Variants in SRRM2 observed in about 807,000 individuals in gnomAD.
SRRM2 encodes the protein serine/arginine repetitive matrix protein 2.
A neutral mutation model predicts 213.8 loss-of-function variants in SRRM2; 30 were observed. The observed-to-expected ratio is 0.14, with a 90% CI of 0.10 to 0.19. The LOEUF is 0.19. Among genes scored for constraint, SRRM2 ranks in the 10% least tolerant of loss-of-function variants. The pLI, the probability that SRRM2 is intolerant of heterozygous loss-of-function variation, is 1.00. For synonymous variants in SRRM2, 2,025 were observed against 1,377.7 expected, an observed-to-expected ratio of 1.47 and a Z score of -10.40; for missense variants, 4,904 against 3,647.0, an observed-to-expected ratio of 1.34 and a Z score of -8.88.
chr16:2,754,063 G>A (rs1179362944), intron 1 of SRRM2, among the ~76,000 whole-genome samples: 1 of 152,110 alleles, frequency 6.6e-6, no homozygotes, highest in East Asian at 1.9e-4. Context: ...TTTAACTTGG[G>A]TAACTTTTGC....
rs2068538740 is a variant in SRRM2 at position 2,766,257 on chromosome 16, G to A, written c.5729G>A (p.Arg1910Lys). The A allele has an allele frequency of 6.2e-7, 1 of 1,614,084 alleles. No homozygotes were observed. Among genetic ancestry groups the A allele is most frequent in the African/African-American group, 1.3e-5 (1 of 74,918 alleles). The change falls in exon 11 of 15, where the codon AGA (arginine) becomes AAA (lysine). Residue 1910 changes from arginine to lysine, a missense_variant. By Grantham distance (26) the Arg-to-Lys change is conservative. Coordinates refer to ENST00000301740, the MANE Select transcript of SRRM2 (RefSeq NM_016333.4). This position sits in a 1 kb window ranked among gnomAD's most constrained non-coding sequence, Gnocchi z 7.0. ...TCCAGGACTTCAGTGACTCGACGAA[G>A]ATCCCGGTCAAGAGCATCCCCAGTG... is the stretch of plus-strand genomic sequence containing the variant. ...SRSRTSVTRR[R>K]SRSRASPVSR... is the part of the protein sequence containing the mutation.
chr16:2,769,739 G>A (rs1487186941), intron 12 of SRRM2: 4 of 469,630 alleles, frequency 8.5e-6, no homozygotes, highest in Admixed American at 4.7e-5. Flanking sequence ...CCTTCGGGAC[G>A]CCCTGTGGCC....
chr16:2,760,650 G>T, intron 10 of SRRM2, 151 bp downstream of exon 10: 1 of 827,412 alleles, frequency 1.2e-6, no homozygotes, highest in East Asian at 2.7e-5. Context: ...TACTGCATCT[G>T]CAGAACTTTT....
At chr16:2,757,601 G>A (rs771103190) in intron 3 of SRRM2, 22 bp downstream of exon 3, 3 of 1,606,994 alleles carry the variant, frequency 1.9e-6, no homozygotes, top group South Asian at 1.1e-5. Flanking sequence ...GCTCTCCCTC[G>A]ATGACTCTGG....
chr16:2,770,304 G>T (rs1237170061), intron 12 of SRRM2, 48 bp from the exon 13 acceptor site: 7 of 1,518,646 alleles, frequency 4.6e-6, no homozygotes, highest in South Asian at 1.2e-5. Context: ...GTGCTGGCCC[G>T]TGTGCTTGAA....
chr16:2,768,222 G>A lies in SRRM2; in HGVS notation c.7694G>A (p.Gly2565Asp). ...GGCTCCAGTTCTAGTGACTCAGAGG[G>A]CTCTAGCCTTCCTGTGCAACCTGAG... ...SSGSSSSDSE[G>D]SSLPVQPEVA... The change falls in exon 11 of 15, where the codon GGC (glycine) becomes GAC (aspartate). Residue 2565 changes from glycine (G) to aspartate (D), a missense_variant. Coordinates refer to ENST00000301740, the MANE Select transcript of SRRM2 (RefSeq NM_016333.4). 1 of 1,582,220 alleles carries A rather than the reference G, an allele frequency of 6.3e-7. No homozygotes were observed. The highest frequency in any genetic ancestry group is 8.6e-7 in the Non-Finnish European group (1 of 1,164,658).
In SRRM2 at chr16:2,764,065, A is replaced by G; in HGVS notation, c.3537A>G (p.Ser1179=). 1 of 1,614,082 alleles carries G rather than the reference A, an allele frequency of 6.2e-7. No homozygotes were observed. The highest frequency in any genetic ancestry group is 8.5e-7 in the Non-Finnish European group (1 of 1,179,988). Residue 1179 remains serine, a synonymous_variant, in exon 11 of 15, where the codon TCA becomes TCG. Coordinates refer to ENST00000301740, the MANE Select transcript of SRRM2 (RefSeq NM_016333.4). ...ALPPQEDATA[S]PPRQKDKFSP... Reference sequence around the variant, plus strand: ...CCCCTCAGGAGGATGCTACTGCATCACCTCCTAGACAGAAAGACAAATTTA... The same window carrying G: ...CCCCTCAGGAGGATGCTACTGCATCGCCTCCTAGACAGAAAGACAAATTTA...
In SRRM2 at chr16:2,763,002, A is replaced by T; in HGVS notation, c.2474A>T (p.Gln825Leu). The change falls in exon 11 of 15, where the codon CAG (glutamine) becomes CTG (leucine). Residue 825 changes from glutamine (Q) to leucine (L), a missense_variant. Physicochemically the swap from Gln to Leu is moderately radical, Grantham distance 113 (BLOSUM62 -2). Transcript: ENST00000301740. ...SRSSSSPPPK[Q>L]KSKTPSRQSH... ...TCCAGTTCTTCTCCGCCACCTAAAC[A>T]GAAATCTAAGACACCATCAAGACAA... The T allele has an allele frequency of 6.2e-7, 1 of 1,614,124 alleles. No homozygotes were observed. Among genetic ancestry groups the T allele is most frequent in the Non-Finnish European group, 8.5e-7 (1 of 1,180,018 alleles).
chr16:2,767,478 C>T lies in SRRM2; in HGVS notation c.6950C>T (p.Pro2317Leu). The T allele has an allele frequency of 6.2e-7, 1 of 1,614,188 alleles. No individual in the cohort carries two copies. The highest frequency in any genetic ancestry group is 8.5e-7 in the Non-Finnish European group (1 of 1,180,018). ...AALSLTGSGT[P>L]PTAANYPSSS... ...CTGAGTCTCACAGGCTCTGGCACAC[C>T]ACCAACTGCTGCAAACTATCCCTCC... Residue 2317 changes from proline to leucine, a missense_variant, in exon 11 of 15, where the codon CCA becomes CTA. Transcript: ENST00000301740.
At position 2,761,765 on chromosome 16, in the gene SRRM2, C is replaced by T. The variant is rs1293416346; in HGVS notation, c.1237C>T (p.Pro413Ser). Residue 413 changes from proline (P) to serine (S), a missense_variant, in exon 11 of 15, where the codon CCC (proline) becomes TCC (serine). Physicochemically the swap from Pro to Ser is moderately conservative, Grantham distance 74. Coordinates refer to ENST00000301740, the MANE Select transcript of SRRM2 (RefSeq NM_016333.4). ...RSPPKSPEKL[P>S]QSSSSESSPP... ...ACCACCTAAGTCTCCCGAGAAACTT[C>T]CCCAGTCTTCTTCCTCAGAGAGCAG... 1 of 1,613,530 alleles carries T rather than the reference C, an allele frequency of 6.2e-7. No individual in the cohort carries two copies. The highest frequency in any genetic ancestry group is 8.5e-7 in the Non-Finnish European group (1 of 1,179,710).
At position 2,764,506 on chromosome 16, in the gene SRRM2, C is replaced by T. The variant is rs748802582; in HGVS notation, c.3978C>T (p.Ser1326=). The part of the protein sequence containing the change: ...ELSNSPLREN[S]FGSPLEFRNS... ...CTAACTCCCCACTCAGGGAGAACAG[C>T]TTTGGATCACCTTTAGAATTTAGAA... Residue 1326 remains serine, a synonymous_variant, in exon 11 of 15, where the codon AGC becomes AGT. Transcript: ENST00000301740. 44 of 1,614,086 alleles carry T rather than the reference C, an allele frequency of 2.7e-5. No homozygotes were observed. The African/African-American group carries it at 5.6e-4, about 21-fold the overall frequency.
At position 2,764,765 on chromosome 16, in the gene SRRM2, A is replaced by G. The variant is rs759625167; in HGVS notation, c.4237A>G (p.Thr1413Ala). ...SSPVLDAVPR[T>A]PSRERSSSAS... is the part of the protein sequence containing the mutation. ...ACCTGTGCTTGATGCTGTACCCAGA[A>G]CACCCTCGAGAGAAAGAAGTAGTTC... Residue 1413 changes from threonine (T) to alanine (A), a missense_variant, in exon 11 of 15, where the codon ACA becomes GCA. Thr to Ala is a moderately conservative substitution (Grantham distance 58). Coordinates refer to ENST00000301740, the MANE Select transcript of SRRM2 (RefSeq NM_016333.4). The G allele has an allele frequency of 2.5e-6, 4 of 1,614,218 alleles. No homozygotes were observed. The South Asian group carries it at 3.3e-5, about 13-fold the overall frequency.
chr16:2,761,057 C>T (rs1477524747), intron 10 of SRRM2, among the ~76,000 whole-genome samples: 1 of 152,172 alleles, frequency 6.6e-6, no homozygotes, highest in African/African-American at 2.4e-5. Flanking sequence ...TAACTACTTC[C>T]TTATTGCTTT....
In SRRM2 at chr16:2,765,465, G is replaced by A. The variant is rs1366791835; in HGVS notation, c.4937G>A (p.Gly1646Asp). ...TCAGGTTCATCAAGCAAAGGCAGAGGCCCTTCTCCTGAAGGAAGCAGCAGT... is the reference window on the plus strand; with the variant it reads ...TCAGGTTCATCAAGCAAAGGCAGAGACCCTTCTCCTGAAGGAAGCAGCAGT... ...SRSGSSSKGRGPSPEGSSSTE... is the reference protein window; with the variant it reads ...SRSGSSSKGRDPSPEGSSSTE... The change falls in exon 11 of 15, where the codon GGC becomes GAC. Residue 1646 changes from glycine to aspartate, a missense_variant. Gly to Asp is a moderately conservative substitution (Grantham distance 94, BLOSUM62 -1). Transcript: ENST00000301740. 6.2e-7 allele frequency: 1 copy of A among 1,614,152 alleles called. No homozygotes were observed. The highest frequency in any genetic ancestry group is 1.7e-5 in the Admixed American group (1 of 60,010).
intron 1 of SRRM2, among the ~76,000 whole-genome samples, chr16:2,753,106 G>T (rs2067995020): frequency 6.7e-6 from 1 of 150,220 alleles, no homozygotes; most frequent in Non-Finnish European, 1.5e-5. Context: ...GAGCGCCCTT[G>T]GTGAGGGGGG....
At position 2,762,435 on chromosome 16, in the gene SRRM2, G is replaced by T; in HGVS notation, c.1907G>T (p.Arg636Leu). Residue 636 changes from arginine (R) to leucine (L), a missense_variant, in exon 11 of 15, where the codon CGT (arginine) becomes CTT (leucine). By Grantham distance (102) the Arg-to-Leu change is moderately radical. Coordinates refer to ENST00000301740, the MANE Select transcript of SRRM2 (RefSeq NM_016333.4). Reference protein sequence around the residue: ...RTRSPVRRRSRSRSPARRSGR... With the variant: ...RTRSPVRRRSLSRSPARRSGR... ...CGATCACCAGTACGACGCAGGTCTC[G>T]TAGTAGATCACCAGCCAGGAGAAGT... 1.9e-6 allele frequency: 3 copies of T among 1,613,876 alleles called. No homozygotes were observed. Among genetic ancestry groups the T allele is most frequent in the South Asian group, 2.2e-5 (2 of 91,058 alleles).
At position 2,759,294 on chromosome 16, in the gene SRRM2, T is replaced by C. The variant is rs368595576; in HGVS notation, c.690-58T>C. Reference sequence around the variant, plus strand: ...AACACTCCCTCTTTCCATTTCACTTTTGGTTTTATTTCCTTTTTTAAAGAA... The same window carrying C: ...AACACTCCCTCTTTCCATTTCACTTCTGGTTTTATTTCCTTTTTTAAAGAA... On this transcript the variant is annotated intron_variant, in intron 7 of 14. Transcript: ENST00000301740. 2,342 of 1,608,614 alleles carry C rather than the reference T, an allele frequency of 1.5e-3. 6 individuals are homozygous for C. The highest frequency in any genetic ancestry group is 1.8e-3 in the Non-Finnish European group (2,134 of 1,177,938).
chr16:2,759,180 C>T lies in SRRM2; in HGVS notation c.689+8C>T. ...CAAGAAACGTAAGCATAGGTAAGAG[C>T]TCTTTAACTCATAGGGGGCGCAGTG... On this transcript the variant is annotated splice_region_variant and intron_variant, in intron 7 of 14. Coordinates refer to ENST00000301740, the MANE Select transcript of SRRM2 (RefSeq NM_016333.4). The T allele has an allele frequency of 6.2e-7, 1 of 1,613,976 alleles. No individual in the cohort carries two copies. Among genetic ancestry groups the T allele is most frequent in the Non-Finnish European group, 8.5e-7 (1 of 1,180,000 alleles).
chr16:2,770,507 G>A (rs1191440536), intron 13 of SRRM2, 42 bp downstream of exon 13: 7 of 1,574,794 alleles, frequency 4.4e-6, no homozygotes, highest in South Asian at 2.3e-5. Flanking sequence ...CTGTCTGGCC[G>A]CCACTGCTTT....
Sources: gnomAD v4.1 joint callset for allele counts (sites outside exome capture counted in the v4.1 genomes callset) on GRCh38, gnomAD v4.1.1 for gene constraint, Gnocchi (gnomAD v3.1) non-coding constraint, MANE v1.5 for transcripts, NCBI Gene and HGNC (gene_info 2026-07-23, HGNC 2026-07-21) for gene names.